BEST4: variants seen among roughly 807,000 people sequenced by gnomAD.
BEST4 encodes bestrophin 4.
BEST4 carries 36 observed loss-of-function variants against 47.1 expected under a neutral mutation model. That is an observed-to-expected ratio of 0.76 (90% CI 0.59 to 1.01). The LOEUF (loss-of-function observed/expected upper bound fraction) is 1.01, where lower values mean the gene tolerates loss of function less well. Among genes scored for constraint, BEST4 ranks in the 50% least tolerant of loss-of-function variants. The probability of loss-of-function intolerance (pLI) is 0.00; values close to 1 mark genes in which losing one functional copy is unlikely to be tolerated. For missense variants in BEST4, 550 were observed against 648.6 expected (o/e 0.85, Z 1.65); for synonymous variants, 250 against 277.8 (o/e 0.90, Z 1.00).
chr1:44,784,621 C>T lies in BEST4; in HGVS notation c.1148+8G>A, dbSNP rs753592848. 1.9e-6 allele frequency: 3 copies of T among 1,611,794 alleles called. No individual in the cohort carries two copies. The highest frequency in any genetic ancestry group is 2.7e-5 in the African/African-American group (2 of 74,884). On this transcript the variant is annotated splice_region_variant and intron_variant, in intron 8 of 8. Transcript: ENST00000372207. The surrounding 1 kb of genome is among the most constrained non-coding windows in gnomAD (Gnocchi z 6.2). ...CGTGCCGGGTCAGGCCCAGTGCAAG[C>T]CACTCACCGCAGGTTGAAGGTGGAG... is the stretch of plus-strand genomic sequence containing the variant.
rs562088878 is a variant in BEST4 at position 44,785,590 on chromosome 1, G to A, written c.714+9C>T. 5.2e-6 allele frequency: 8 copies of A among 1,549,618 alleles called. No individual in the cohort carries two copies. Among genetic ancestry groups the A allele is most frequent in the East Asian group, 2.4e-5 (1 of 40,950 alleles). On this transcript the variant is annotated intron_variant, in intron 5 of 8. Coordinates refer to ENST00000372207, the MANE Select transcript of BEST4 (RefSeq NM_153274.3). Reference sequence around the variant, plus strand: ...AGGCACTGGGACTCGGGAGGGGAGAGGCAGTTACTTGGGTGTAGACGAGGG... The same window carrying A: ...AGGCACTGGGACTCGGGAGGGGAGAAGCAGTTACTTGGGTGTAGACGAGGG...
At chr1:44,791,204 CAG>C (rs35806425), upstream of BEST4, among the ~76,000 whole-genome samples, 46,234 of 147,106 alleles carry the variant, frequency 0.31, 7,117 homozygotes, top group East Asian at 0.43. Context: ...GAACAGGACT[CAG>C]AGAGAGAGAG....
Position 44,787,438 on chromosome 1 carries a change from C to A in BEST4, c.181G>T (p.Val61Leu), listed in dbSNP as rs147375981. The A allele has an allele frequency of 1.2e-6, 2 of 1,614,064 alleles. No homozygotes were observed. Among genetic ancestry groups the A allele is most frequent in the African/African-American group, 1.3e-5 (1 of 74,918 alleles). The change falls in exon 2 of 9, where the codon GTG becomes TTG. Residue 61 changes from valine to leucine, a missense_variant. Physicochemically the swap from Val to Leu is conservative, Grantham distance 32. Transcript: ENST00000372207. ...CAGTACCGGGCCACCTGAGCATACA[C>A]GTACCTCTGCTCCTGGGTCAGCAGC... The part of the protein sequence containing the change: ...RLLLTQEQRY[V>L]YAQVARYCNR...
intron 2 of BEST4, among the ~76,000 whole-genome samples, chr1:44,787,018 G>A (rs993544781): frequency 6.6e-6 from 1 of 152,200 alleles, no homozygotes; most frequent in Non-Finnish European, 1.5e-5. Context: ...TGCCTTGCTG[G>A]AAGTGAGGGT....
chr1:44,789,457 G>A (rs575314599), upstream of BEST4, among the ~76,000 whole-genome samples: 2 of 150,560 alleles, frequency 1.3e-5, no homozygotes, highest in African/African-American at 4.9e-5. Flanking sequence ...CCAGCACTTT[G>A]GGAGGCCGAG....
rs1651120994 is a variant in BEST4 at position 44,784,131 on chromosome 1, T to C, written c.*79A>G. 4.6e-6 allele frequency: 6 copies of C among 1,303,054 alleles called. No homozygotes were observed. The South Asian group carries it at 9.2e-5, about 20-fold the overall frequency. 80.7% of individuals were successfully genotyped at this position (1,303,054 alleles called of 1,614,324 possible). A position where few individuals can be genotyped will look rare whatever the true frequency, so the allele number is the denominator to read the frequency against. On this transcript the variant is annotated 3_prime_UTR_variant, in exon 9 of 9. Transcript: ENST00000372207. This position sits in a 1 kb window ranked among gnomAD's most constrained non-coding sequence, Gnocchi z 6.2. Reference sequence around the variant, plus strand: ...AGGCACACAGGAAAAGCTGCTCTAATAGAGCTGGCTGGCAGGACCGGGCAC... The same window carrying C: ...AGGCACACAGGAAAAGCTGCTCTAACAGAGCTGGCTGGCAGGACCGGGCAC...
In BEST4 at chr1:44,787,699, C is replaced by T; in HGVS notation, c.7G>A (p.Val3Ile). Residue 3 changes from valine to isoleucine, a missense_variant, in exon 1 of 9, where the codon GTT becomes ATT. Val to Ile is a conservative substitution (Grantham distance 29). Around this residue, in one of 3 missense-constraint regions of BEST4, gnomAD observed 291 missense variants for 342.4 expected, o/e 0.85. Transcript: ENST00000372207. MT[V>I]SYTLKVAEAR... ...TCCGCCACTTTGAGAGTGTATGAAA[C>T]CGTCATGGTGCTGGGAGCCTGGGGC... 6.2e-7 allele frequency: 1 copy of T among 1,614,026 alleles called. No individual in the cohort carries two copies. Among genetic ancestry groups the T allele is most frequent in the East Asian group, 2.2e-5 (1 of 44,892 alleles).
downstream of BEST4, among the ~76,000 whole-genome samples, chr1:44,781,981 G>A (rs1158056793): frequency 1.3e-5 from 2 of 151,626 alleles, no homozygotes; most frequent in African/African-American, 4.8e-5. Context: ...TGGCCAACAT[G>A]GTGAAACCCC....
At position 44,784,679 on chromosome 1, in the gene BEST4, C is replaced by G. The variant is rs749575880; in HGVS notation, c.1098G>C (p.Thr366=). 2.5e-6 allele frequency: 4 copies of G among 1,613,214 alleles called. No individual in the cohort carries two copies. The highest frequency in any genetic ancestry group is 3.3e-5 in the Admixed American group (2 of 59,918). ...DQPQPPYTVA[T]AAESLRPSFL... ...ATGAGGGCCGCAGAGACTCGGCCGC[C>G]GTGGCCACAGTGTAGGGTGGCTGCG... is the stretch of plus-strand genomic sequence containing the variant. Residue 366 remains threonine, a synonymous_variant, in exon 8 of 9, where the codon ACG becomes ACC. Coordinates refer to ENST00000372207, the MANE Select transcript of BEST4 (RefSeq NM_153274.3). This position sits in a 1 kb window ranked among gnomAD's most constrained non-coding sequence, Gnocchi z 6.2.
chr1:44,789,680 A>G (rs1035990600), upstream of BEST4, among the ~76,000 whole-genome samples: 3 of 152,198 alleles, frequency 2.0e-5, no homozygotes, highest in Non-Finnish European at 4.4e-5. Context: ...CCTGGACAAC[A>G]AGAGCAAAAC....
At position 44,783,729 on chromosome 1, in the gene BEST4, C is replaced by G. The variant is rs1651109433; in HGVS notation, c.*481G>C. ...ACCCCTTCAAGCACGTTTCACATGA[C>G]TCTCAAATTGTGTTTCCTGGACAAG... On this transcript the variant is annotated 3_prime_UTR_variant, in exon 9 of 9. Transcript: ENST00000372207. 1.3e-5 allele frequency: 2 copies of G among 153,838 alleles called. No individual in the cohort carries two copies. 9.5% of individuals were successfully genotyped at this position (153,838 alleles called of 1,614,324 possible). A position where few individuals can be genotyped will look rare whatever the true frequency, so the allele number is the denominator to read the frequency against.
At position 44,784,631 on chromosome 1, in the gene BEST4, C is replaced by T; in HGVS notation, c.1146G>A (p.Leu382=). The T allele has an allele frequency of 6.2e-7, 1 of 1,612,912 alleles. No individual in the cohort carries two copies. The highest frequency in any genetic ancestry group is 8.5e-7 in the Non-Finnish European group (1 of 1,179,672). ...CAGGCCCAGTGCAAGCCACTCACCG[C>T]AGGTTGAAGGTGGAGCCCAGGAATG... ...RPSFLGSTFN[L]RMSDDPEQSL... The change falls in exon 8 of 9, where the codon CTG becomes CTA. Residue 382 remains leucine, a splice_region_variant and synonymous_variant. Coordinates refer to ENST00000372207, the MANE Select transcript of BEST4 (RefSeq NM_153274.3). This position sits in a 1 kb window ranked among gnomAD's most constrained non-coding sequence, Gnocchi z 6.2.
downstream of BEST4, among the ~76,000 whole-genome samples, chr1:44,782,738 C>T (rs890002025): frequency 2.0e-5 from 3 of 152,198 alleles, no homozygotes; most frequent in African/African-American, 7.2e-5. Flanking sequence ...ATCCAGTCAA[C>T]TGACCCTGCC....
In BEST4 at chr1:44,786,712, G is replaced by T; in HGVS notation, c.248-16C>A. On this transcript the variant is annotated splice_polypyrimidine_tract_variant and intron_variant, in intron 2 of 8. Transcript: ENST00000372207. The surrounding 1 kb of genome is among the most constrained non-coding windows in gnomAD (Gnocchi z 4.9). Reference sequence around the variant, plus strand: ...ACATAGAAACCTGCTTGGCCGCCGTGATAGAGGGAGTAGGAAGGGAGAGTG... The same window carrying T: ...ACATAGAAACCTGCTTGGCCGCCGTTATAGAGGGAGTAGGAAGGGAGAGTG... The T allele has an allele frequency of 6.5e-7, 1 of 1,538,174 alleles. No homozygotes were observed. The highest frequency in any genetic ancestry group is 8.8e-7 in the Non-Finnish European group (1 of 1,136,526).
At chr1:44,789,242 C>CAAAAAAAA (rs778437528), upstream of BEST4, among the ~76,000 whole-genome samples, 1 of 61,364 alleles carries the variant, frequency 1.6e-5, no homozygotes, top group African/African-American at 8.4e-5. Context: ...CCTGGGTAAT[C>CAAAAAAAA]AAAAAAAAAA....
chr1:44,786,277 G>C lies in BEST4; in HGVS notation c.482-49C>G. The C allele has an allele frequency of 6.4e-7, 1 of 1,554,160 alleles. No homozygotes were observed. The highest frequency in any genetic ancestry group is 8.7e-7 in the Non-Finnish European group (1 of 1,150,226). ...TGCAGTTGCACCCTCTGCCGCCAGG[G>C]GAGGCTGCTGTTCCGCCGTCTGGCT... On this transcript the variant is annotated intron_variant, in intron 3 of 8. Transcript: ENST00000372207. The surrounding 1 kb of genome is among the most constrained non-coding windows in gnomAD (Gnocchi z 4.9).
At chr1:44,790,154 C>G (rs1651375496), upstream of BEST4, among the ~76,000 whole-genome samples, 2 of 152,176 alleles carry the variant, frequency 1.3e-5, no homozygotes, top group African/African-American at 4.8e-5. Context: ...AATCTGTTCT[C>G]TTTGGTTTCC....
At chr1:44,792,078 A>G (rs1343812578), upstream of BEST4, among the ~76,000 whole-genome samples, 2 of 152,256 alleles carry the variant, frequency 1.3e-5, no homozygotes, top group Non-Finnish European at 2.9e-5. Context: ...CCCCATCTCT[A>G]CTAAAAATAC....
chr1:44,784,889 C>A lies in BEST4; in HGVS notation c.993+16G>T, dbSNP rs758671494. ...CCAGGAGCTGCCCTGGACTCCTGAT[C>A]CTGATGCTTGCTCACCTGCAAGTTG... On this transcript the variant is annotated intron_variant, in intron 7 of 8. Transcript: ENST00000372207. This position sits in a 1 kb window ranked among gnomAD's most constrained non-coding sequence, Gnocchi z 6.2. 2.5e-6 allele frequency: 4 copies of A among 1,613,968 alleles called. No homozygotes were observed. The South Asian group carries it at 4.4e-5, about 18-fold the overall frequency.
Sources: allele counts gnomAD v4.1 joint callset (sites outside exome capture counted in the v4.1 genomes callset), GRCh38; gene constraint gnomAD v4.1.1; regional missense constraint gnomAD v4.1.1; non-coding constraint Gnocchi (gnomAD v3.1); transcripts MANE v1.5; gene names NCBI Gene and HGNC (gene_info 2026-07-23, HGNC 2026-07-21).